Variants in IFT52 observed in about 807,000 individuals in gnomAD.
IFT52 encodes the protein intraflagellar transport 52.
IFT52 carries 44 observed loss-of-function variants against 54.4 expected under a neutral mutation model. The observed-to-expected ratio is 0.81, with a 90% CI of 0.63 to 1.04. The LOEUF is 1.04. IFT52 is among the 50% of genes least tolerant of loss of function. The probability of loss-of-function intolerance (pLI) is 0.00; values close to 1 mark genes in which losing one functional copy is unlikely to be tolerated. For missense variants in IFT52, 452 were observed against 523.6 expected, an observed-to-expected ratio of 0.86 and a Z score of 1.33; for synonymous variants, 181 against 185.3, an observed-to-expected ratio of 0.98 and a Z score of 0.19.
chr20:43,621,970 T>G (rs192247889), intron 9 of IFT52, among the ~76,000 whole-genome samples: 4 of 152,360 alleles, frequency 2.6e-5, no homozygotes, highest in African/African-American at 9.6e-5. Flanking sequence ...ACTGAAATCC[T>G]TCAAGATTGC....
intron 7 of IFT52, among the ~76,000 whole-genome samples, chr20:43,614,934 G>A (rs1013935194): frequency 4.0e-5 from 6 of 149,682 alleles, no homozygotes; most frequent in South Asian, 2.1e-4. Context: ...TCAGCCTCCC[G>A]AGTAGCTGGG....
rs1986127383 is a variant in IFT52, at chr20:43,645,066, C to T, written c.1267-1870C>T. Among the ~76,000 whole-genome samples, 2 of 54,144 alleles carry T rather than the reference C, an allele frequency of 3.7e-5. 1 individual carries two copies. Among genetic ancestry groups the T allele is most frequent in the African/African-American group, 1.1e-4 (2 of 18,464 alleles). The allele number at this position is 54,144 out of a possible 152,430, so 35.5% of individuals were successfully genotyped here. ...AGGTTGCAGTGAGCCAAGATTGCAC[C>T]ACTGTACTCCAACCTGGGCAACAGA... On this transcript the variant is annotated intron_variant, in intron 13 of 13. Transcript: ENST00000373030.
chr20:43,595,266 G>A (rs899774719), intron 2 of IFT52, among the ~76,000 whole-genome samples: 4 of 146,716 alleles, frequency 2.7e-5, no homozygotes, highest in Non-Finnish European at 5.9e-5. Context: ...GCAGTGAGCC[G>A]AGATTGTGCC....
intron 12 of IFT52, among the ~76,000 whole-genome samples, chr20:43,639,658 G>A (rs1013891858): frequency 1.1e-4 from 17 of 151,534 alleles, no homozygotes; most frequent in African/African-American, 4.1e-4. Context: ...CAACAAGAGC[G>A]AAACTCCATC....
intron 7 of IFT52, among the ~76,000 whole-genome samples, chr20:43,615,904 C>T (rs1176973464): frequency 6.6e-6 from 1 of 151,698 alleles, no homozygotes; most frequent in Admixed American, 6.6e-5. Context: ...CCACTGCACT[C>T]CAGCCTGGAG....
chr20:43,631,004 G>A (rs1407077908), intron 10 of IFT52, among the ~76,000 whole-genome samples: 2 of 152,208 alleles, frequency 1.3e-5, no homozygotes, highest in Non-Finnish European at 2.9e-5. Flanking sequence ...GCTGAGGCTA[G>A]GACTCAGCAG....
chr20:43,601,681 C>A lies in IFT52; in HGVS notation c.208-2079C>A, dbSNP rs115842175. ...CCAAGTCCCAGTAGAATTTCCCAAG[C>A]AAAAGCTATGTTCTGAGAATATATA... is the stretch of plus-strand genomic sequence containing the variant. On this transcript the variant is annotated intron_variant, in intron 3 of 13. Transcript: ENST00000373030. Among the ~76,000 whole-genome samples the A allele has an allele frequency of 4.5e-3, 692 of 152,266 alleles. 4 individuals carry two copies. Among genetic ancestry groups the A allele is most frequent in the African/African-American group, 0.016 (658 of 41,552 alleles).
intron 12 of IFT52, among the ~76,000 whole-genome samples, chr20:43,640,900 A>G (rs912814464): frequency 2.6e-5 from 4 of 151,922 alleles, no homozygotes; most frequent in African/African-American, 9.7e-5. Context: ...GCGTGGTGGT[A>G]CACACCTGTA....
At chr20:43,630,290 T>C (rs769000633) in intron 10 of IFT52, among the ~76,000 whole-genome samples, 29 of 152,342 alleles carry the variant, frequency 1.9e-4, no homozygotes, top group Non-Finnish European at 3.8e-4. Context: ...TCCCCTGATA[T>C]GTTTAAACCA....
intron 6 of IFT52, among the ~76,000 whole-genome samples, chr20:43,606,284 T>G (rs1171748072): frequency 6.7e-6 from 1 of 150,108 alleles, no homozygotes; most frequent in Admixed American, 6.6e-5. Context: ...TTTTTTTTTT[T>G]TTTTTTTGAG....
chr20:43,596,319 T>C (rs1240870420), intron 2 of IFT52, 116 bp from the exon 3 acceptor site: 1 of 632,334 alleles, frequency 1.6e-6, no homozygotes, highest in African/African-American at 1.9e-5. Context: ...TACCTCTAAA[T>C]CCCTTCATCT....
chr20:43,599,177 T>C (rs555372733), intron 3 of IFT52, among the ~76,000 whole-genome samples: 1 of 152,134 alleles, frequency 6.6e-6, no homozygotes, highest in Non-Finnish European at 1.5e-5. Context: ...GGCAGTGGCC[T>C]GCAGAGCAAC....
intron 12 of IFT52, among the ~76,000 whole-genome samples, chr20:43,637,664 A>G (rs1432004894): frequency 2.0e-5 from 3 of 152,162 alleles, no homozygotes; most frequent in Non-Finnish European, 4.4e-5. Flanking sequence ...TTGTTTAGGG[A>G]AAACAAAATA....
chr20:43,607,241 GGCGGCTGGCCGGGCGGGGGGCT>G, intron 6 of IFT52, among the ~76,000 whole-genome samples: 1 of 151,220 alleles, frequency 6.6e-6, no homozygotes, highest in African/African-American at 2.4e-5. Context: ...TCCCGGACGG[GGCGGCTGGCCGGGCGGGGGGCT>G]GACCCCCCCA....
chr20:43,623,980 C>G lies in IFT52; in HGVS notation c.858C>G (p.Asp286Glu), dbSNP rs748953621. 1 of 1,614,024 alleles carries G rather than the reference C, an allele frequency of 6.2e-7. No individual in the cohort carries two copies. The highest frequency in any genetic ancestry group is 1.3e-5 in the African/African-American group (1 of 74,932). ...AGGAGAGTGATGAGATCCCAAGGGACTTTACCACCCTCTTCGACCTGTCCA... is the reference window on the plus strand; with the variant it reads ...AGGAGAGTGATGAGATCCCAAGGGAGTTTACCACCCTCTTCGACCTGTCCA... ...CLQESDEIPR[D>E]FTTLFDLSIF... The change falls in exon 10 of 14, where the codon GAC (aspartate) becomes GAG (glutamate). Residue 286 changes from aspartate to glutamate, a missense_variant. Transcript: ENST00000373030.
In IFT52 at chr20:43,632,113, C is replaced by T. The variant is rs190784631; in HGVS notation, c.924-3813C>T. ...GCTAATTTTGTATTTTTAGTAGAGA[C>T]GGGGTTTCTCCATGTTAGTCAGACT... On this transcript the variant is annotated intron_variant, in intron 10 of 13. Coordinates refer to ENST00000373030, the MANE Select transcript of IFT52 (RefSeq NM_016004.5). 8.3e-4 allele frequency among the ~76,000 whole-genome samples: 125 copies of T among 151,148 alleles called. 1 individual carries two copies. The highest frequency in any genetic ancestry group is 3.1e-3 in the East Asian group (16 of 5,118).
chr20:43,623,957 G>C lies in IFT52; in HGVS notation c.835G>C (p.Glu279Gln), dbSNP rs145829031. The C allele has an allele frequency of 1.1e-4, 185 of 1,614,114 alleles. No homozygotes were observed. The highest frequency in any genetic ancestry group is 1.5e-4 in the Non-Finnish European group (179 of 1,180,014). Residue 279 changes from glutamate (E) to glutamine (Q), a missense_variant, in exon 10 of 14, where the codon GAG (glutamate) becomes CAG (glutamine). Glu to Gln is a conservative substitution (Grantham distance 29, BLOSUM62 2). Coordinates refer to ENST00000373030, the MANE Select transcript of IFT52 (RefSeq NM_016004.5). ...AAAGCGGAATCGAGAGTGTCTCCAG[G>C]AGAGTGATGAGATCCCAAGGGACTT... Reference protein sequence around the residue: ...LSKRNRECLQESDEIPRDFTT... With the variant: ...LSKRNRECLQQSDEIPRDFTT...
Position 43,623,893 on chromosome 20 carries a change from T to C in IFT52, c.771T>C (p.Ile257=), listed in dbSNP as rs780630824. 6.2e-7 allele frequency: 1 copy of C among 1,613,776 alleles called. No individual in the cohort carries two copies. The highest frequency in any genetic ancestry group is 8.5e-7 in the Non-Finnish European group (1 of 1,179,838). ...AGGAACCCTCTTGTGGCTTTCAGATTTCTGACTACATGATGCTGCCCTACA... is the reference window on the plus strand; with the variant it reads ...AGGAACCCTCTTGTGGCTTTCAGATCTCTGACTACATGATGCTGCCCTACA... The part of the protein sequence containing the change: ...LNQIDAEDPE[I]SDYMMLPYTA... Residue 257 remains isoleucine, a splice_region_variant and synonymous_variant, in exon 10 of 14, where the codon ATT becomes ATC. Transcript: ENST00000373030.
chr20:43,642,581 A>G lies in IFT52; in HGVS notation c.1223A>G (p.Glu408Gly). The part of the protein sequence containing the change: ...KDQQDAKHIL[E>G]HVFFQVVEFK... ...CAACAGGATGCCAAACATATCCTTG[A>G]GCACGTCTTCTTCCAAGTGGTGGAG... The change falls in exon 13 of 14, where the codon GAG (glutamate) becomes GGG (glycine). Residue 408 changes from glutamate to glycine, a missense_variant. Transcript: ENST00000373030. The G allele has an allele frequency of 6.2e-7, 1 of 1,614,180 alleles. No individual in the cohort carries two copies. Among genetic ancestry groups the G allele is most frequent in the Non-Finnish European group, 8.5e-7 (1 of 1,180,022 alleles).
Sources: gnomAD v4.1 joint callset for allele counts (sites outside exome capture counted in the v4.1 genomes callset) on GRCh38, gnomAD v4.1.1 for gene constraint, MANE v1.5 for transcripts, NCBI Gene and HGNC (gene_info 2026-07-23, HGNC 2026-07-21) for gene names.